The following IFNLR1 variants were observed in gnomAD, a reference collection of about 807,000 sequenced individuals.
IFNLR1 encodes CRF2-12.
Under a neutral mutation model 52.5 loss-of-function variants are expected in IFNLR1, and 28 were observed. The ratio of observed to expected loss-of-function variants is 0.53; its 90% CI spans 0.40 to 0.73. The LOEUF (loss-of-function observed/expected upper bound fraction) is 0.73. Among genes scored for constraint, IFNLR1 ranks in the 30% least tolerant of loss-of-function variants. IFNLR1 has a pLI of 0.00. For synonymous variants in IFNLR1, 276 were observed against 274.9 expected (o/e 1.00, Z -0.04); for missense variants, 623 against 659.1 (o/e 0.95, Z 0.60).
chr1:24,178,467 A>T lies in IFNLR1; in HGVS notation c.182+2264T>A, dbSNP rs142766114. 4.9e-4 allele frequency among the ~76,000 whole-genome samples: 74 copies of T among 152,240 alleles called. 1 individual carries two copies. The highest frequency in any genetic ancestry group is 1.8e-3 in the African/African-American group (73 of 41,524). On this transcript the variant is annotated intron_variant, in intron 2 of 6. Coordinates refer to ENST00000327535, the MANE Select transcript of IFNLR1 (RefSeq NM_170743.4). The stretch of plus-strand genomic sequence containing the variant: ...CTGCAGGTTTTAGGTCAGGAATTGT[A>T]CCAGAGGGACCTGGAACATCTTGTC...
chr1:24,170,885 G>T (rs941576111), intron 2 of IFNLR1, among the ~76,000 whole-genome samples: 3 of 152,236 alleles, frequency 2.0e-5, no homozygotes, highest in African/African-American at 7.2e-5. Context: ...GAATGGAGAA[G>T]GCTGAGATGG....
intron 3 of IFNLR1, among the ~76,000 whole-genome samples, chr1:24,162,948 C>T (rs1569642423): frequency 9.6e-6 from 1 of 103,904 alleles, no homozygotes; most frequent in Non-Finnish European, 1.9e-5. Context: ...CTCTTTCTTT[C>T]TTCTTTCTTT....
In IFNLR1 at chr1:24,157,200, C is replaced by A; in HGVS notation, c.1493G>T (p.Ser498Ile). ...ESEIEDSDAG[S>I]WGAESTQRTE... The stretch of plus-strand genomic sequence containing the variant: ...CCTCTGGGTGCTCTCAGCCCCCCAG[C>A]TGCCCGCATCGCTGTCCTCAATTTC... Residue 498 changes from serine to isoleucine, a missense_variant, in exon 7 of 7, where the codon AGC (serine) becomes ATC (isoleucine). Physicochemically the swap from Ser to Ile is moderately radical, Grantham distance 142 (BLOSUM62 -2). Coordinates refer to ENST00000327535, the MANE Select transcript of IFNLR1 (RefSeq NM_170743.4). The surrounding 1 kb of genome is among the most constrained non-coding windows in gnomAD (Gnocchi z 5.1). 1 of 1,614,182 alleles carries A rather than the reference C, an allele frequency of 6.2e-7. No individual in the cohort carries two copies. Among genetic ancestry groups the A allele is most frequent in the East Asian group, 2.2e-5 (1 of 44,876 alleles).
intron 3 of IFNLR1, among the ~76,000 whole-genome samples, chr1:24,166,564 T>C (rs1338201088): frequency 6.6e-6 from 1 of 152,110 alleles, no homozygotes; most frequent in Non-Finnish European, 1.5e-5. Flanking sequence ...TTTCTTTCTT[T>C]AAGACAGGGT....
intron 3 of IFNLR1, among the ~76,000 whole-genome samples, chr1:24,165,009 C>T (rs934229004): frequency 2.0e-5 from 3 of 152,142 alleles, no homozygotes; most frequent in African/African-American, 4.8e-5. Flanking sequence ...GTGATCTGCT[C>T]GCCTCGGACT....
chr1:24,176,083 A>T (rs988433117), intron 2 of IFNLR1, among the ~76,000 whole-genome samples: 1 of 152,190 alleles, frequency 6.6e-6, no homozygotes, highest in African/African-American at 2.4e-5. Flanking sequence ...AAGCAACCCA[A>T]ATATCCACTG....
chr1:24,157,532 G>A lies in IFNLR1; in HGVS notation c.1161C>T (p.Asp387=). 1.2e-6 allele frequency: 2 copies of A among 1,611,540 alleles called. No homozygotes were observed. The highest frequency in any genetic ancestry group is 1.7e-6 in the Non-Finnish European group (2 of 1,178,844). The change falls in exon 7 of 7, where the codon GAC becomes GAT. Residue 387 remains aspartate (D), a synonymous_variant. Transcript: ENST00000327535. The surrounding 1 kb of genome is among the most constrained non-coding windows in gnomAD (Gnocchi z 5.1). ...AGTCCACAGTGCTGGCCCAGCTTCT[G>A]TCTGAAGAATCCCAAGCAGAGGAGC... is the stretch of plus-strand genomic sequence containing the variant. ...SEGSSAWDSS[D]RSWASTVDSS...
chr1:24,183,159 C>T (rs1163146705), intron 1 of IFNLR1, among the ~76,000 whole-genome samples: 4 of 151,880 alleles, frequency 2.6e-5, no homozygotes, highest in Non-Finnish European at 4.4e-5. Flanking sequence ...ATTCATGAGC[C>T]CAAATGTAAG....
intron 2 of IFNLR1, 59 bp downstream of exon 2, chr1:24,180,672 T>TCCCCCCCCCCCCCCCCCCCCCCATCATAC: frequency 2.3e-6 from 1 of 432,142 alleles, no homozygotes; most frequent in Non-Finnish European, 4.4e-6. Flanking sequence ...GAGAAGCCCC[T>TCCCCCCCCCCCCCCCCCCCCCCATCATAC]CCAGCCCCCA....
chr1:24,186,606 T>C (rs999689782), intron 1 of IFNLR1, among the ~76,000 whole-genome samples: 12 of 152,052 alleles, frequency 7.9e-5, no homozygotes, highest in African/African-American at 2.2e-4. Flanking sequence ...GGTTTGGTGG[T>C]TGGGTCCTAC....
At chr1:24,159,371 A>T in intron 5 of IFNLR1, 103 bp downstream of exon 5, 8 of 1,314,664 alleles carry the variant, frequency 6.1e-6, no homozygotes, top group Non-Finnish European at 8.6e-6. Flanking sequence ...TGTGGTTTTA[A>T]TCCAGGCGAG....
chr1:24,185,489 G>A (rs766022674), intron 1 of IFNLR1, among the ~76,000 whole-genome samples: 5 of 152,248 alleles, frequency 3.3e-5, no homozygotes, highest in Non-Finnish European at 5.9e-5. Flanking sequence ...CATACGGGTT[G>A]CAAAATGGCA....
At chr1:24,175,279 T>G (rs569706826) in intron 2 of IFNLR1, among the ~76,000 whole-genome samples, 13 of 152,248 alleles carry the variant, frequency 8.5e-5, no homozygotes, top group African/African-American at 3.1e-4. Context: ...GACTCGAGGG[T>G]AGGGTCACCA....
chr1:24,163,070 C>T lies in IFNLR1; in HGVS notation c.368-1386G>A, dbSNP rs1644481169. On this transcript the variant is annotated intron_variant, in intron 3 of 6. Transcript: ENST00000327535. ...CTGCCTCCCGGATTCATGCGATCCTCCTGCTTCGGCCTCCTGAGCAGCTGG... is the reference window on the plus strand; with the variant it reads ...CTGCCTCCCGGATTCATGCGATCCTTCTGCTTCGGCCTCCTGAGCAGCTGG... Among the ~76,000 whole-genome samples, 11 of 149,460 alleles carry T rather than the reference C, an allele frequency of 7.4e-5. No homozygotes were observed. The South Asian group carries it at 2.1e-3, about 29-fold the overall frequency.
At chr1:24,159,269 C>G in intron 5 of IFNLR1, 87 bp from the exon 6 acceptor site, 1 of 1,483,342 alleles carries the variant, frequency 6.7e-7, no homozygotes, top group Non-Finnish European at 9.3e-7. Context: ...ATACATGACC[C>G]TATTTAATCC....
chr1:24,182,915 T>C (rs774447976), intron 1 of IFNLR1, among the ~76,000 whole-genome samples: 2 of 132,892 alleles, frequency 1.5e-5, no homozygotes, highest in Non-Finnish European at 3.4e-5. Context: ...TGAGACTCCA[T>C]CTCAAATAAA....
intron 2 of IFNLR1, among the ~76,000 whole-genome samples, chr1:24,175,396 C>T (rs915077220): frequency 1.2e-4 from 18 of 152,214 alleles, no homozygotes; most frequent in African/African-American, 3.9e-4. Context: ...ATTTGCCCTG[C>T]GAGGTTTTAG....
At position 24,187,277 on chromosome 1, in the gene IFNLR1, G is replaced by GACCCA; in HGVS notation, c.-30_-29insTGGGT. 1 of 1,257,354 alleles carries GACCCA rather than the reference G, an allele frequency of 8.0e-7. No homozygotes were observed. The highest frequency in any genetic ancestry group is 1.0e-6 in the Non-Finnish European group (1 of 997,948). The allele number at this position is 1,257,354 out of a possible 1,614,324, so 77.9% of individuals were successfully genotyped here. A position where few individuals can be genotyped will look rare whatever the true frequency, so the allele number is the denominator to read the frequency against. The stretch of plus-strand genomic sequence containing the variant: ...CTTCCTGCCGCGGCGTCCCCGCCCG[G>GACCCA]GCCCAGGTCCCCGCCTCCCGCCTCC... On this transcript the variant is annotated 5_prime_UTR_variant, in exon 1 of 7. Transcript: ENST00000327535.
At chr1:24,159,726 G>GTTTT (rs6143167) in intron 4 of IFNLR1, 93 bp from the exon 5 acceptor site, 66 of 762,624 alleles carry the variant, frequency 8.7e-5, no homozygotes, top group African/African-American at 3.1e-4. Flanking sequence ...ATGGTAGGGT[G>GTTTT]TTTTTTTTTT....
Sources: allele counts gnomAD v4.1 joint callset (sites outside exome capture counted in the v4.1 genomes callset), GRCh38; gene constraint gnomAD v4.1.1; non-coding constraint Gnocchi (gnomAD v3.1); transcripts MANE v1.5; gene names NCBI Gene and HGNC (gene_info 2026-07-23, HGNC 2026-07-21).